MXD1: variants seen among roughly 807,000 people sequenced by gnomAD.
MXD1 encodes the protein MAX dimerization protein 1.
A neutral mutation model predicts 25.7 loss-of-function variants in MXD1; 9 were observed. That is an observed-to-expected ratio of 0.35 (90% CI 0.21 to 0.61). The LOEUF is 0.61. Ranked by LOEUF, MXD1 falls within the 20% of genes least tolerant of loss-of-function variation. The probability of loss-of-function intolerance (pLI) is 0.75; values close to 1 mark genes in which losing one functional copy is unlikely to be tolerated. For synonymous variants in MXD1, 99 were observed against 113.9 expected (o/e 0.87, Z 0.83); for missense variants, 227 against 292.4 (o/e 0.78, Z 1.63).
At chr2:69,937,743 C>G (rs1359648986) in intron 5 of MXD1, among the ~76,000 whole-genome samples, 1 of 152,092 alleles carries the variant, frequency 6.6e-6, no homozygotes, top group Non-Finnish European at 1.5e-5. Flanking sequence ...GCCTCCCAAG[C>G]AGCTGGGATT....
chr2:69,922,313 G>A lies in MXD1; in HGVS notation c.203+548G>A, dbSNP rs185449906. ...CACCCTCACTGGGCTCCATCTTGCCGCAGCCTGAGTGGAATCTCTCTCACC... is the reference window on the plus strand; with the variant it reads ...CACCCTCACTGGGCTCCATCTTGCCACAGCCTGAGTGGAATCTCTCTCACC... On this transcript the variant is annotated intron_variant, in intron 3 of 5. Transcript: ENST00000264444. 1.2e-3 allele frequency among the ~76,000 whole-genome samples: 178 copies of A among 152,232 alleles called. 1 individual carries two copies. Among genetic ancestry groups the A allele is most frequent in the Non-Finnish European group, 4.3e-4 (29 of 68,012 alleles).
chr2:69,931,603 A>G (rs1339326613), intron 3 of MXD1, among the ~76,000 whole-genome samples: 1 of 152,228 alleles, frequency 6.6e-6, no homozygotes, highest in African/African-American at 2.4e-5. Context: ...ATTTGGTTGC[A>G]TAGTGACTGA....
intron 4 of MXD1, 171 bp from the exon 5 acceptor site, chr2:69,937,064 C>T (rs1453252183): frequency 1.2e-6 from 1 of 856,834 alleles, no homozygotes; most frequent in Admixed American, 1.8e-5. Flanking sequence ...CAGACGAAGC[C>T]AGGAGTCACT....
At chr2:69,929,051 A>C (rs1328026778) in intron 3 of MXD1, among the ~76,000 whole-genome samples, 1 of 152,040 alleles carries the variant, frequency 6.6e-6, no homozygotes, top group Non-Finnish European at 1.5e-5. Context: ...GTGCCACCGC[A>C]CCTGGCTAAT....
chr2:69,917,538 A>G (rs1407297354), intron 2 of MXD1, among the ~76,000 whole-genome samples: 3 of 152,132 alleles, frequency 2.0e-5, no homozygotes, highest in Non-Finnish European at 4.4e-5. Flanking sequence ...CCTTTCAGTT[A>G]ATTTTTCTGG....
At chr2:69,937,450 G>GGGAA (rs71245655) in intron 5 of MXD1, 56 bp downstream of exon 5, 40 of 1,522,306 alleles carry the variant, frequency 2.6e-5, no homozygotes, top group Non-Finnish European at 3.4e-5. Context: ...CCCCAGAGCA[G>GGGAA]GGGTTCAGTA....
intron 3 of MXD1, among the ~76,000 whole-genome samples, chr2:69,922,562 A>G (rs1309764878): frequency 6.6e-6 from 1 of 152,202 alleles, no homozygotes; most frequent in Non-Finnish European, 1.5e-5. Context: ...TGCTGATTCT[A>G]TAAAATAACT....
chr2:69,931,330 C>T (rs920386058), intron 3 of MXD1, among the ~76,000 whole-genome samples: 4 of 152,102 alleles, frequency 2.6e-5, no homozygotes, highest in South Asian at 2.1e-4. Flanking sequence ...TGCCCACCCC[C>T]GCTACCTTTC....
chr2:69,938,349 T>C lies in MXD1; in HGVS notation c.*65T>C, dbSNP rs1027434149. ...TGTTGGTTCTGATTAGGTAACGTATTGGACCTGCCCACAACTCCCTTGCAC... is the reference window on the plus strand; with the variant it reads ...TGTTGGTTCTGATTAGGTAACGTATCGGACCTGCCCACAACTCCCTTGCAC... On this transcript the variant is annotated 3_prime_UTR_variant, in exon 6 of 6. Transcript: ENST00000264444. 1.3e-6 allele frequency: 2 copies of C among 1,529,654 alleles called. No individual in the cohort carries two copies. Among genetic ancestry groups the C allele is most frequent in the East Asian group, 2.3e-5 (1 of 44,140 alleles). The allele number at this position is 1,529,654 out of a possible 1,614,324, so 94.8% of individuals were successfully genotyped here.
At chr2:69,933,266 A>G (rs1677343346) in intron 3 of MXD1, among the ~76,000 whole-genome samples, 1 of 152,048 alleles carries the variant, frequency 6.6e-6, no homozygotes, top group Non-Finnish European at 1.5e-5. Context: ...GGCAAGAAAT[A>G]GACAAATTTA....
At chr2:69,928,891 A>T (rs1305667208) in intron 3 of MXD1, among the ~76,000 whole-genome samples, 2 of 152,138 alleles carry the variant, frequency 1.3e-5, no homozygotes, top group Non-Finnish European at 2.9e-5. Context: ...AACATAACAT[A>T]ATAGTTCTCT....
chr2:69,915,326 G>T lies in MXD1; in HGVS notation c.-5G>T. 1 of 1,311,632 alleles carries T rather than the reference G, an allele frequency of 7.6e-7. No homozygotes were observed. Among genetic ancestry groups the T allele is most frequent in the Middle Eastern group, 2.1e-4 (1 of 4,874 alleles). The allele number at this position is 1,311,632 out of a possible 1,614,324, so 81.2% of individuals were successfully genotyped here. A position where few individuals can be genotyped will look rare whatever the true frequency, so the allele number is the denominator to read the frequency against. ...TGGTCCCGTGGCTCCGGCCCCCGGT[G>T]CAGAATGGCGGCGGCGGTTCGGATG... On this transcript the variant is annotated 5_prime_UTR_variant, in exon 1 of 6. Coordinates refer to ENST00000264444, the MANE Select transcript of MXD1 (RefSeq NM_002357.4). This position sits in a 1 kb window ranked among gnomAD's most constrained non-coding sequence, Gnocchi z 5.8.
chr2:69,933,200 C>CAAAAAAAA (rs59201689), intron 3 of MXD1, among the ~76,000 whole-genome samples: 5 of 80,148 alleles, frequency 6.2e-5, no homozygotes, highest in East Asian at 3.6e-4. Flanking sequence ...AACTCTGTCT[C>CAAAAAAAA]AAAAAAAAAA....
intron 2 of MXD1, among the ~76,000 whole-genome samples, chr2:69,920,176 C>G (rs928511077): frequency 2.0e-5 from 3 of 151,966 alleles, no homozygotes; most frequent in Non-Finnish European, 4.4e-5. Flanking sequence ...TTAGTAGAGA[C>G]AGGGTTTCAC....
chr2:69,919,338 A>G (rs1182674695), intron 2 of MXD1, among the ~76,000 whole-genome samples: 1 of 151,916 alleles, frequency 6.6e-6, no homozygotes, highest in Admixed American at 6.6e-5. Context: ...ACTTTCATCC[A>G]TTTTATTTTA....
intron 3 of MXD1, among the ~76,000 whole-genome samples, chr2:69,932,673 G>A (rs557126824): frequency 2.0e-5 from 3 of 152,290 alleles, no homozygotes; most frequent in Admixed American, 2.0e-4. Context: ...CATTTGGGTA[G>A]TGAAAATTGC....
At chr2:69,935,654 A>C (rs1363447545) in intron 4 of MXD1, among the ~76,000 whole-genome samples, 189 bp downstream of exon 4, 2 of 152,168 alleles carry the variant, frequency 1.3e-5, no homozygotes, top group Non-Finnish European at 2.9e-5. Flanking sequence ...CCAGAGGTTA[A>C]ATGGTCCATC....
chr2:69,917,037 A>G (rs1433889513), intron 2 of MXD1, among the ~76,000 whole-genome samples: 1 of 152,162 alleles, frequency 6.6e-6, no homozygotes, highest in Non-Finnish European at 1.5e-5. Context: ...AGATCCCTTC[A>G]ACTATACCTT....
intron 2 of MXD1, among the ~76,000 whole-genome samples, chr2:69,918,165 C>T (rs976707161): frequency 1.3e-5 from 2 of 152,188 alleles, no homozygotes; most frequent in South Asian, 2.1e-4. Context: ...CATGTATGGT[C>T]AGAATTTTGA....
Sources: allele counts gnomAD v4.1 joint callset (sites outside exome capture counted in the v4.1 genomes callset), GRCh38; gene constraint gnomAD v4.1.1; non-coding constraint Gnocchi (gnomAD v3.1); transcripts MANE v1.5; gene names NCBI Gene and HGNC (gene_info 2026-07-23, HGNC 2026-07-21).